CTNNA2: variants seen among roughly 807,000 people sequenced by gnomAD.
The protein encoded by CTNNA2 is catenin alpha 2.
A neutral mutation model predicts 101.0 loss-of-function variants in CTNNA2; 42 were observed. That is an observed-to-expected ratio of 0.42 (90% confidence interval 0.32 to 0.54). The LOEUF is 0.54. CTNNA2 is among the 20% of genes least tolerant of loss of function. The probability of loss-of-function intolerance (pLI) is 0.14; values close to 1 mark genes in which losing one functional copy is unlikely to be tolerated. For missense variants in CTNNA2, 871 were observed against 1,223.1 expected, an observed-to-expected ratio of 0.71 and a Z score of 4.29; for synonymous variants, 450 against 456.4, an observed-to-expected ratio of 0.99 and a Z score of 0.18.
intron 9 of CTNNA2, among the ~76,000 whole-genome samples, chr2:80,448,156 A>G (rs1330667895): frequency 6.6e-6 from 1 of 152,206 alleles, no homozygotes; most frequent in East Asian, 1.9e-4. Context: ...ATTTGGCCCA[A>G]TCACTGACGC....
intron 2 of CTNNA2, among the ~76,000 whole-genome samples, chr2:79,228,615 C>T (rs1205847050): frequency 6.6e-6 from 1 of 151,736 alleles, no homozygotes; most frequent in African/African-American, 2.4e-5. Flanking sequence ...GTTTTTGCTT[C>T]GTGATTTAAG....
intron 2 of CTNNA2, among the ~76,000 whole-genome samples, chr2:79,710,221 A>C (rs1265872263): frequency 1.3e-5 from 2 of 152,164 alleles, no homozygotes; most frequent in Non-Finnish European, 2.9e-5. Flanking sequence ...AAAATGGATG[A>C]GACTTCACAG....
At chr2:79,682,054 T>A (rs1317811938) in intron 2 of CTNNA2, among the ~76,000 whole-genome samples, 1 of 152,198 alleles carries the variant, frequency 6.6e-6, no homozygotes, top group Admixed American at 6.5e-5. Flanking sequence ...TTCTGTTTCT[T>A]GTATGAAACA....
intron 9 of CTNNA2, among the ~76,000 whole-genome samples, chr2:80,428,117 C>G (rs1681160431): frequency 6.6e-6 from 1 of 152,018 alleles, no homozygotes. Context: ...AAAACAAGTC[C>G]AAAGACCCCA....
At position 79,276,777 on chromosome 2, in the gene CTNNA2, T is replaced by A. The variant is rs556787957; in HGVS notation, c.-405-35932T>A. On this transcript the variant is annotated intron_variant, in intron 2 of 21. Coordinates refer to the CTNNA2 transcript ENST00000466387. Reference sequence around the variant, plus strand: ...ATGATTACCCTTATTTTAAAAAAAATTGTCCCCTTGTATTTATGGTCCACC... The same window carrying A: ...ATGATTACCCTTATTTTAAAAAAAAATGTCCCCTTGTATTTATGGTCCACC... Among the ~76,000 whole-genome samples the A allele has an allele frequency of 1.1e-4, 16 of 152,224 alleles. No homozygotes were observed. In the East Asian group the frequency reaches 2.9e-3, roughly 28 times the overall value.
chr2:80,347,471 A>G (rs1553500491), intron 7 of CTNNA2, among the ~76,000 whole-genome samples: 1 of 152,184 alleles, frequency 6.6e-6, no homozygotes, highest in Non-Finnish European at 1.5e-5. Flanking sequence ...TCACCAGGGG[A>G]GAGGAGCAGT....
At chr2:79,913,800 T>A (rs1685980008) in intron 7 of CTNNA2, among the ~76,000 whole-genome samples, 1 of 152,228 alleles carries the variant, frequency 6.6e-6, no homozygotes, top group Non-Finnish European at 1.5e-5. Flanking sequence ...TGCAGTTGTA[T>A]CAATTGCAGC....
chr2:80,576,450 C>G (rs1002070999), intron 13 of CTNNA2: 2 of 149,208 alleles, frequency 1.3e-5, no homozygotes, highest in Non-Finnish European at 3.0e-5. Flanking sequence ...TGATTATCCC[C>G]ACAAAGTGGC....
At chr2:79,300,594 A>C (rs1423876673) in intron 2 of CTNNA2, among the ~76,000 whole-genome samples, 2 of 152,120 alleles carry the variant, frequency 1.3e-5, no homozygotes, top group Non-Finnish European at 2.9e-5. Flanking sequence ...TTGATGCACT[A>C]TCACAAATTT....
At chr2:80,094,223 T>C (rs1216023942) in intron 7 of CTNNA2, among the ~76,000 whole-genome samples, 1 of 152,160 alleles carries the variant, frequency 6.6e-6, no homozygotes, top group African/African-American at 2.4e-5. Flanking sequence ...TTTCTACATA[T>C]GGCTAGCCAG....
chr2:79,289,188 A>G (rs555519079), intron 2 of CTNNA2, among the ~76,000 whole-genome samples: 50 of 152,298 alleles, frequency 3.3e-4, no homozygotes, highest in Admixed American at 1.5e-3. Context: ...AGGGTGGACT[A>G]TAGATTCCAC....
chr2:79,807,221 T>A (rs1676648397), intron 3 of CTNNA2, among the ~76,000 whole-genome samples: 2 of 152,222 alleles, frequency 1.3e-5, no homozygotes, highest in Admixed American at 1.3e-4. Context: ...TGTTACCTCC[T>A]ATTTCTCTTC....
At chr2:79,975,145 ACTTGC>A (rs142686992) in intron 7 of CTNNA2, among the ~76,000 whole-genome samples, 18,702 of 152,086 alleles carry the variant, frequency 0.12, 1,243 homozygotes, top group Middle Eastern at 0.23. Context: ...ATAAGGAGTG[ACTTGC>A]CTTATTCGTG....
chr2:79,625,380 G>A (rs1009581658), intron 1 of CTNNA2, among the ~76,000 whole-genome samples: 1 of 145,600 alleles, frequency 6.9e-6, no homozygotes, highest in Non-Finnish European at 1.5e-5. Flanking sequence ...AAGTATAAAT[G>A]TTTGAGAGTG....
At position 79,942,271 on chromosome 2, in the gene CTNNA2, C is replaced by T. The variant is rs372227606; in HGVS notation, c.1056+32474C>T. ...TAGATGGCTGGACAGACCAGGAAGC[C>T]GAGAACCAGGAAGGCAGTGGTTTGC... On this transcript the variant is annotated intron_variant, in intron 7 of 18. Coordinates refer to ENST00000402739, the MANE Select transcript of CTNNA2 (RefSeq NM_001282597.3). Among the ~76,000 whole-genome samples the T allele has an allele frequency of 7.2e-5, 11 of 152,198 alleles. No homozygotes were observed. The South Asian group carries it at 1.0e-3, about 14-fold the overall frequency.
intron 2 of CTNNA2, among the ~76,000 whole-genome samples, chr2:79,734,374 A>G (rs1687384974): frequency 6.6e-6 from 1 of 152,090 alleles, no homozygotes; most frequent in Non-Finnish European, 1.5e-5. Flanking sequence ...ATTGTGTTTT[A>G]TCAAATCAAA....
chr2:80,163,468 C>T (rs1704464386), intron 7 of CTNNA2, among the ~76,000 whole-genome samples: 1 of 152,026 alleles, frequency 6.6e-6, no homozygotes, highest in South Asian at 2.1e-4. Flanking sequence ...TCAGAGAACA[C>T]ATTTTGTATG....
intron 7 of CTNNA2, among the ~76,000 whole-genome samples, chr2:80,256,918 C>G (rs747025150): frequency 1.3e-5 from 2 of 152,166 alleles, no homozygotes; most frequent in Non-Finnish European, 2.9e-5. Flanking sequence ...GCTGCTGTGT[C>G]TAGAACACTC....
At chr2:79,824,920 G>A (rs772616480) in intron 3 of CTNNA2, among the ~76,000 whole-genome samples, 23 of 152,150 alleles carry the variant, frequency 1.5e-4, no homozygotes, top group Admixed American at 3.3e-4. Flanking sequence ...GCCAGGCATA[G>A]TAGTTCACAC....
Sources: gnomAD v4.1 joint callset for allele counts (sites outside exome capture counted in the v4.1 genomes callset) on GRCh38, gnomAD v4.1.1 for gene constraint, MANE v1.5 for transcripts, NCBI Gene and HGNC (gene_info 2026-07-23, HGNC 2026-07-21) for gene names.